ABRAXAS1: variants seen among roughly 807,000 people sequenced by gnomAD.
The protein encoded by ABRAXAS1 is BRCA1-A complex subunit Abraxas 1.
Under a neutral mutation model 38.4 loss-of-function variants are expected in ABRAXAS1, and 26 were observed. That is an observed-to-expected ratio of 0.68 (90% confidence interval 0.50 to 0.94). ABRAXAS1 has a LOEUF of 0.94. Among genes scored for constraint, ABRAXAS1 ranks in the 40% least tolerant of loss-of-function variants. The pLI is 0.00. For missense variants in ABRAXAS1, 438 were observed against 481.9 expected (o/e 0.91, Z 0.85); for synonymous variants, 144 against 165.5 (o/e 0.87, Z 1.00).
At chr4:83,466,100 G>A (rs1722342802) in intron 7 of ABRAXAS1, among the ~76,000 whole-genome samples, 2 of 152,008 alleles carry the variant, frequency 1.3e-5, no homozygotes, top group African/African-American at 2.4e-5. Context: ...AACAATTTTC[G>A]GGCAACTTTG....
In ABRAXAS1 at chr4:83,470,275, A is replaced by T. The variant is rs765697539; in HGVS notation, c.404T>A (p.Leu135Ter). 24 of 1,613,748 alleles carry T rather than the reference A, an allele frequency of 1.5e-5. No individual in the cohort carries two copies. The highest frequency in any genetic ancestry group is 2.5e-6 in the Non-Finnish European group (3 of 1,179,822). The change falls in exon 5 of 9, where the codon TTA becomes TAA. Residue 135 changes from leucine (L) to a stop codon, truncating the protein, a stop_gained. Coordinates refer to ENST00000321945, the MANE Select transcript of ABRAXAS1 (RefSeq NM_139076.3). LOFTEE classifies it high-confidence loss of function. ...FSNQDLVFLL[L>*]TPSIITESCS... is the part of the protein sequence containing the mutation. Reference sequence around the variant, plus strand: ...GCTTTCTGTTATTATACTTGGTGTTAATAGCAGAAAAACAAGGTCTTGGTT... The same window carrying T: ...GCTTTCTGTTATTATACTTGGTGTTTATAGCAGAAAAACAAGGTCTTGGTT...
intron 2 of ABRAXAS1, chr4:83,480,106 C>T (rs775697991): frequency 1.1e-4 from 26 of 231,160 alleles, no homozygotes; most frequent in Admixed American, 2.2e-4. Context: ...TGGTGGCTCA[C>T]GCCTGCAATC....
At chr4:83,463,156 G>A (rs907367049) in intron 8 of ABRAXAS1, among the ~76,000 whole-genome samples, 8 of 152,280 alleles carry the variant, frequency 5.3e-5, no homozygotes, top group Admixed American at 6.5e-5. Flanking sequence ...AGGGCCGAGC[G>A]CAGTGGCTCA....
chr4:83,476,540 T>C, intron 3 of ABRAXAS1, 103 bp downstream of exon 3: 1 of 817,538 alleles, frequency 1.2e-6, no homozygotes, highest in Non-Finnish European at 2.0e-6. Flanking sequence ...AGTACCACCA[T>C]GTATAGGTTA....
chr4:83,462,417 T>C lies in ABRAXAS1; in HGVS notation c.*52A>G. 2 of 1,466,128 alleles carry C rather than the reference T, an allele frequency of 1.4e-6. No homozygotes were observed. The highest frequency in any genetic ancestry group is 1.8e-6 in the Non-Finnish European group (2 of 1,081,124). The allele number at this position is 1,466,128 out of a possible 1,614,324, so 90.8% of individuals were successfully genotyped here. On this transcript the variant is annotated 3_prime_UTR_variant, in exon 9 of 9. Transcript: ENST00000321945. ...AACATAGTAAAAACAATAGAAATGT[T>C]TGGCTTTACCCATCAGCCAAATAAA...
Position 83,485,019 on chromosome 4 carries a change from G to A in ABRAXAS1, c.54C>T (p.Leu18=), listed in dbSNP as rs769550002. The A allele has an allele frequency of 1.4e-5, 22 of 1,595,670 alleles. No homozygotes were observed. Among genetic ancestry groups the A allele is most frequent in the Non-Finnish European group, 1.7e-5 (20 of 1,171,798 alleles). ...AVLSGFVLGA[L]AFQHLNTDSD... The stretch of plus-strand genomic sequence containing the variant: ...AGTCCGTGTTGAGGTGCTGGAAAGC[G>A]AGTGCGCCGAGCACAAAGCCCGAGA... The change falls in exon 1 of 9, where the codon CTC becomes CTT. Residue 18 remains leucine (L), a synonymous_variant. Transcript: ENST00000321945.
rs570093500 is a variant in ABRAXAS1, at chr4:83,460,246, C to T, written c.*2223G>A. ...AATCTCGGCTCACTGCAACCTCTGC[C>T]TCCTGGGTTCAAGTGATTCTCATGC... On this transcript the variant is annotated 3_prime_UTR_variant, in exon 9 of 9. Coordinates refer to ENST00000321945, the MANE Select transcript of ABRAXAS1 (RefSeq NM_139076.3). 2 of 152,530 alleles carry T rather than the reference C, an allele frequency of 1.3e-5. No individual in the cohort carries two copies. Among genetic ancestry groups the T allele is most frequent in the Non-Finnish European group, 2.9e-5 (2 of 68,468 alleles). The allele number at this position is 152,530 out of a possible 1,614,324, so 9.4% of individuals were successfully genotyped here.
chr4:83,478,595 G>A (rs1009385975), intron 2 of ABRAXAS1, among the ~76,000 whole-genome samples: 6 of 152,196 alleles, frequency 3.9e-5, no homozygotes, highest in African/African-American at 1.4e-4. Context: ...TTATATGTTT[G>A]TGTTACCATG....
At chr4:83,478,660 A>G (rs1364069557) in intron 2 of ABRAXAS1, 2 of 198,942 alleles carry the variant, frequency 1.0e-5, no homozygotes, top group Non-Finnish European at 2.1e-5. Flanking sequence ...CCAGATTGGT[A>G]TCTTCTATGA....
At chr4:83,475,669 T>C (rs1482513638) in intron 3 of ABRAXAS1, among the ~76,000 whole-genome samples, 1 of 152,114 alleles carries the variant, frequency 6.6e-6, no homozygotes, top group Non-Finnish European at 1.5e-5. Flanking sequence ...TTTGTGCTGA[T>C]TTTTCTTGCG....
At chr4:83,483,101 T>C (rs1723053144) in intron 1 of ABRAXAS1, among the ~76,000 whole-genome samples, 1 of 152,164 alleles carries the variant, frequency 6.6e-6, no homozygotes, top group Non-Finnish European at 1.5e-5. Context: ...ATGCACAATA[T>C]GAAAGATTTA....
rs375095076 is a variant in ABRAXAS1, at chr4:83,476,518, T to G, written c.215+125A>C. The G allele has an allele frequency of 4.3e-5, 24 of 563,774 alleles. 1 individual carries two copies. The highest frequency in any genetic ancestry group is 3.2e-4 in the East Asian group (11 of 34,370). 34.9% of individuals were successfully genotyped at this position (563,774 alleles called of 1,614,324 possible). ...TTTTTCAGCTATTTAAAAAAAACTT[T>G]CCATTCTACTCAGTACCACCATGTA... On this transcript the variant is annotated intron_variant, in intron 3 of 8. Coordinates refer to ENST00000321945, the MANE Select transcript of ABRAXAS1 (RefSeq NM_139076.3).
At position 83,482,162 on chromosome 4, in the gene ABRAXAS1, T is replaced by A; in HGVS notation, c.170A>T (p.Tyr57Phe). 1 of 1,602,046 alleles carries A rather than the reference T, an allele frequency of 6.2e-7. No homozygotes were observed. The highest frequency in any genetic ancestry group is 8.5e-7 in the Non-Finnish European group (1 of 1,171,828). ...DSQMDDVEVVYTIDIQKYIPC... is the reference protein window; with the variant it reads ...DSQMDDVEVVFTIDIQKYIPC... Reference sequence around the variant, plus strand: ...AGAAATAAATAACTCACCAATTGTATAAACAACTTCAACATCATCCATTTG... The same window carrying A: ...AGAAATAAATAACTCACCAATTGTAAAAACAACTTCAACATCATCCATTTG... Residue 57 changes from tyrosine to phenylalanine, a missense_variant, in exon 2 of 9, where the codon TAT (tyrosine) becomes TTT (phenylalanine). Tyr to Phe is a conservative substitution (Grantham distance 22). Around this residue, in one of 3 missense-constraint regions of ABRAXAS1, gnomAD observed 194 missense variants for 269.0 expected, o/e 0.72. Transcript: ENST00000321945.
At chr4:83,466,233 T>C (rs184809678) in intron 7 of ABRAXAS1, among the ~76,000 whole-genome samples, 7 of 152,208 alleles carry the variant, frequency 4.6e-5, no homozygotes, top group Admixed American at 1.3e-4. Context: ...TGCAGTGTTG[T>C]CTGAAGGCTC....
At chr4:83,462,997 T>C in intron 8 of ABRAXAS1, 95 bp from the exon 9 acceptor site, 1 of 826,862 alleles carries the variant, frequency 1.2e-6, no homozygotes, top group Non-Finnish European at 1.8e-6. Context: ...CAAAAAGATT[T>C]TAACAGTTGT....
At position 83,459,602 on chromosome 4, in the gene ABRAXAS1, T is replaced by C. The variant is rs1273505136; in HGVS notation, c.*2867A>G. 3 of 694,812 alleles carry C rather than the reference T, an allele frequency of 4.3e-6. No homozygotes were observed. Among genetic ancestry groups the C allele is most frequent in the South Asian group, 2.0e-5 (1 of 48,788 alleles). The allele number at this position is 694,812 out of a possible 1,614,324, so 43.0% of individuals were successfully genotyped here. A position where few individuals can be genotyped will look rare whatever the true frequency, so the allele number is the denominator to read the frequency against. ...AAAGGTAACAGGAGGATAACAATAT[T>C]TTTTTCTTATATTTTATGAAATGTG... On this transcript the variant is annotated 3_prime_UTR_variant, in exon 9 of 9. Transcript: ENST00000321945.
chr4:83,466,417 C>G (rs905368876), intron 7 of ABRAXAS1, among the ~76,000 whole-genome samples: 2 of 152,110 alleles, frequency 1.3e-5, no homozygotes, highest in African/African-American at 4.8e-5. Context: ...TCCCTCTATT[C>G]TGTAAGAAGG....
At chr4:83,484,625 G>C (rs1007982216) in intron 1 of ABRAXAS1, among the ~76,000 whole-genome samples, 1 of 152,240 alleles carries the variant, frequency 6.6e-6, no homozygotes, top group Non-Finnish European at 1.5e-5. Flanking sequence ...CGCGAGAAAC[G>C]GAAAGTTTAC....
At chr4:83,481,325 C>A (rs6814796) in intron 2 of ABRAXAS1, among the ~76,000 whole-genome samples, 19,835 of 151,964 alleles carry the variant, frequency 0.13, 4,268 homozygotes, top group African/African-American at 0.45. Context: ...TTTCTTTTAA[C>A]CATTTTTTTC....
Sources: allele counts gnomAD v4.1 joint callset (sites outside exome capture counted in the v4.1 genomes callset), GRCh38; gene constraint gnomAD v4.1.1; regional missense constraint gnomAD v4.1.1; transcripts MANE v1.5; gene names NCBI Gene and HGNC (gene_info 2026-07-23, HGNC 2026-07-21).